Variants in EPHA5 observed in about 807,000 individuals in gnomAD.
EPHA5 encodes the protein ephrin type-A receptor 5.
In EPHA5, 60 loss-of-function variants were observed where a neutral mutation model predicts 105.0. The observed-to-expected ratio is 0.57, with a 90% CI of 0.46 to 0.71. EPHA5 has a LOEUF of 0.71. EPHA5 is among the 30% of genes least tolerant of loss of function. The pLI, the probability that EPHA5 is intolerant of heterozygous loss-of-function variation, is 0.00. For synonymous variants in EPHA5, 513 were observed against 449.1 expected (o/e 1.14, Z -1.80); for missense variants, 1,218 against 1,274.7 (o/e 0.96, Z 0.68).
chr4:65,602,328 TA>T (rs5858973), intron 2 of EPHA5, 24 bp from the exon 3 acceptor site: 1,317,766 of 1,464,778 alleles, frequency 0.9, 594,265 homozygotes, highest in Non-Finnish European at 0.91. Context: ...AATAGAAAGA[TA>T]AAAAAAATTC....
chr4:65,425,602 A>T lies in EPHA5; in HGVS notation c.1403-5037T>A, dbSNP rs540490561. Among the ~76,000 whole-genome samples, 44 of 151,848 alleles carry T rather than the reference A, an allele frequency of 2.9e-4. 1 individual carries two copies. Among genetic ancestry groups the T allele is most frequent in the South Asian group, 2.7e-3 (13 of 4,810 alleles). On this transcript the variant is annotated intron_variant, in intron 5 of 16. Transcript: ENST00000613740. ...CATACTAGGATTAATTCTTCTTTTT[A>T]AAAAATATTATTATTACTATTTTAA...
At chr4:65,374,808 AATG>A (rs900448715) in intron 8 of EPHA5, among the ~76,000 whole-genome samples, 2 of 151,902 alleles carry the variant, frequency 1.3e-5, no homozygotes, top group African/African-American at 4.8e-5. Context: ...TCTCTTCACA[AATG>A]ATGATGATAG....
chr4:65,571,648 C>A (rs1213115200), intron 3 of EPHA5, among the ~76,000 whole-genome samples: 7 of 151,966 alleles, frequency 4.6e-5, no homozygotes, highest in Non-Finnish European at 7.4e-5. Flanking sequence ...CCCACAAGAA[C>A]TTATGTTTTA....
At chr4:65,504,684 C>A (rs1400050492) in intron 3 of EPHA5, among the ~76,000 whole-genome samples, 2 of 151,836 alleles carry the variant, frequency 1.3e-5, no homozygotes, top group Non-Finnish European at 2.9e-5. Context: ...AATGAACTGA[C>A]ACATGGCTTT....
At chr4:65,526,350 G>T (rs1735226753) in intron 3 of EPHA5, among the ~76,000 whole-genome samples, 1 of 151,670 alleles carries the variant, frequency 6.6e-6, no homozygotes, top group African/African-American at 2.4e-5. Flanking sequence ...TTTTATGCTG[G>T]CTATAATTAA....
At chr4:65,496,297 T>C (rs965314677) in intron 3 of EPHA5, among the ~76,000 whole-genome samples, 18 of 151,540 alleles carry the variant, frequency 1.2e-4, no homozygotes, top group Admixed American at 8.6e-4. Flanking sequence ...GTTACATATG[T>C]ATACATGTGC....
chr4:65,574,400 A>AAAAT, intron 3 of EPHA5: 1 of 684,566 alleles, frequency 1.5e-6, no homozygotes, highest in Non-Finnish European at 2.0e-6. Flanking sequence ...AAAAAATAAA[A>AAAAT]AAATACTCAA....
chr4:65,527,820 T>C (rs1306687291), intron 3 of EPHA5, among the ~76,000 whole-genome samples: 3 of 152,084 alleles, frequency 2.0e-5, no homozygotes, highest in South Asian at 2.1e-4. Flanking sequence ...ACTAATTGTT[T>C]TTCCTGATTC....
At chr4:65,600,057 G>A (rs575059879) in intron 3 of EPHA5, among the ~76,000 whole-genome samples, 6 of 152,102 alleles carry the variant, frequency 3.9e-5, no homozygotes, top group African/African-American at 1.2e-4. Flanking sequence ...AATAGAGTAC[G>A]TTGTTTTATA....
intron 8 of EPHA5, among the ~76,000 whole-genome samples, chr4:65,373,585 G>T (rs553938317): frequency 6.6e-6 from 1 of 151,994 alleles, no homozygotes; most frequent in East Asian, 1.9e-4. Flanking sequence ...CCTTTGGCCA[G>T]AGAAATTTGT....
At chr4:65,448,201 T>C (rs957698684) in intron 5 of EPHA5, among the ~76,000 whole-genome samples, 3 of 149,514 alleles carry the variant, frequency 2.0e-5, no homozygotes, top group Non-Finnish European at 3.0e-5. Context: ...TAAAAGTATG[T>C]CATGAGAAAT....
chr4:65,385,005 A>G (rs1448468991), intron 8 of EPHA5, among the ~76,000 whole-genome samples: 1 of 151,678 alleles, frequency 6.6e-6, no homozygotes, highest in Non-Finnish European at 1.5e-5. Flanking sequence ...AGAACGTAGG[A>G]TTATCATGAT....
chr4:65,608,063 T>C (rs961009315), intron 2 of EPHA5, among the ~76,000 whole-genome samples: 2 of 152,120 alleles, frequency 1.3e-5, no homozygotes, highest in African/African-American at 4.8e-5. Flanking sequence ...AGTGGGCGGC[T>C]AGGGGAGGGA....
chr4:65,338,799 G>A (rs763361145), intron 14 of EPHA5, among the ~76,000 whole-genome samples: 2 of 151,994 alleles, frequency 1.3e-5, no homozygotes, highest in African/African-American at 2.4e-5. Context: ...AGTTTTGGGG[G>A]AAATAGATAG....
At chr4:65,370,142 T>C (rs1318788734) in intron 8 of EPHA5, among the ~76,000 whole-genome samples, 1 of 152,116 alleles carries the variant, frequency 6.6e-6, no homozygotes, top group African/African-American at 2.4e-5. Flanking sequence ...ATTTTATTCA[T>C]AACACTTAGA....
intron 5 of EPHA5, among the ~76,000 whole-genome samples, chr4:65,443,724 C>T (rs1726231530): frequency 1.3e-5 from 2 of 152,174 alleles, no homozygotes; most frequent in Non-Finnish European, 2.9e-5. Context: ...TTCCCCTCCG[C>T]ACTCCATCTG....
chr4:65,580,104 G>A (rs1741469217), intron 3 of EPHA5, among the ~76,000 whole-genome samples: 1 of 151,692 alleles, frequency 6.6e-6, no homozygotes. Context: ...TTAGAACAAA[G>A]TTCTAAAGGT....
intron 15 of EPHA5, among the ~76,000 whole-genome samples, chr4:65,335,440 C>A (rs1360898478): frequency 1.3e-5 from 2 of 151,998 alleles, no homozygotes; most frequent in African/African-American, 2.4e-5. Context: ...AACCAAAAAT[C>A]TGTGTGCAAC....
At chr4:65,502,631 T>A (rs759235632) in intron 3 of EPHA5, among the ~76,000 whole-genome samples, 1 of 151,734 alleles carries the variant, frequency 6.6e-6, no homozygotes, top group Non-Finnish European at 1.5e-5. Context: ...GAAAAGGAAA[T>A]GCTTATACAC....
Sources: allele counts gnomAD v4.1 joint callset (sites outside exome capture counted in the v4.1 genomes callset), GRCh38; gene constraint gnomAD v4.1.1; transcripts MANE v1.5; gene names NCBI Gene and HGNC (gene_info 2026-07-23, HGNC 2026-07-21).